RANBP2: variants seen among roughly 807,000 people sequenced by gnomAD.
RANBP2 encodes the protein E3 SUMO-protein ligase RanBP2.
Under a neutral mutation model 303.6 loss-of-function variants are expected in RANBP2, and 57 were observed. The observed-to-expected ratio is 0.19, with a 90% CI of 0.15 to 0.23. The LOEUF (loss-of-function observed/expected upper bound fraction) is 0.23. Among genes scored for constraint, RANBP2 ranks in the 10% least tolerant of loss-of-function variants. RANBP2 has a pLI of 1.00. For missense variants in RANBP2, 3,138 were observed against 3,780.8 expected (o/e 0.83, Z 4.46); for synonymous variants, 1,167 against 1,301.5 (o/e 0.90, Z 2.23).
chr2:109,643,486 G>T, the RANBP2 span, among the ~76,000 whole-genome samples: 15 of 152,142 alleles, frequency 9.9e-5, no homozygotes, highest in African/African-American at 3.6e-4. Context: ...AAGGCTGGGC[G>T]CAGCGGCTCA....
At chr2:108,725,273 A>G (rs898580257) in intron 1 of RANBP2, among the ~76,000 whole-genome samples, 7 of 152,218 alleles carry the variant, frequency 4.6e-5, no homozygotes, top group South Asian at 2.1e-4. Flanking sequence ...CAAGGCATTT[A>G]CCTGCTTGAG....
downstream of RANBP2, among the ~76,000 whole-genome samples, chr2:108,785,975 A>G (rs1218303579): frequency 6.6e-6 from 1 of 152,194 alleles, no homozygotes; most frequent in Admixed American, 6.5e-5. Flanking sequence ...TTAGAAAGTA[A>G]AAGATTACAC....
At chr2:108,729,602 G>C (rs1880726) in intron 2 of RANBP2, among the ~76,000 whole-genome samples, 2 of 151,938 alleles carry the variant, frequency 1.3e-5, no homozygotes, top group East Asian at 1.9e-4. Context: ...TATAAAAGAT[G>C]TTTAATTGAC....
chr2:108,930,010 G>C, the RANBP2 span: 1 of 1,366,706 alleles, frequency 7.3e-7, no homozygotes, highest in Admixed American at 2.3e-5. Context: ...CGGCTGGTTT[G>C]ATATACCCTG....
chr2:108,728,275 T>C (rs2149093818), intron 1 of RANBP2, among the ~76,000 whole-genome samples: 1 of 152,262 alleles, frequency 6.6e-6, no homozygotes, highest in South Asian at 2.1e-4. Context: ...CTTACTTTCT[T>C]GAATTTATTT....
chr2:109,396,367 G>A, the RANBP2 span, among the ~76,000 whole-genome samples: 1 of 152,180 alleles, frequency 6.6e-6, no homozygotes, highest in Non-Finnish European at 1.5e-5. Flanking sequence ...CCGGAGTGAG[G>A]TTTTTCATAA....
chr2:108,913,696 GTTC>G, the RANBP2 span, among the ~76,000 whole-genome samples: 5 of 152,164 alleles, frequency 3.3e-5, no homozygotes, highest in African/African-American at 9.7e-5. Context: ...ATGGGTATGA[GTTC>G]TTCTTGTTAG....
the RANBP2 span, among the ~76,000 whole-genome samples, chr2:109,118,571 A>G: frequency 6.6e-6 from 1 of 151,352 alleles, no homozygotes; most frequent in Admixed American, 6.6e-5. Flanking sequence ...AAAACAGAAT[A>G]TCTGCGTGTC....
At chr2:109,411,630 G>T in the RANBP2 span, among the ~76,000 whole-genome samples, 1 of 152,158 alleles carries the variant, frequency 6.6e-6, no homozygotes, top group Non-Finnish European at 1.5e-5. Flanking sequence ...ATATCCCTGA[G>T]GGCAGAGCCC....
chr2:109,687,848 A>AT, the RANBP2 span, among the ~76,000 whole-genome samples: 2 of 150,938 alleles, frequency 1.3e-5, no homozygotes, highest in East Asian at 3.9e-4. Flanking sequence ...GACTCAGGTG[A>AT]TCCTTCCACC....
the RANBP2 span, among the ~76,000 whole-genome samples, chr2:109,650,100 T>C: frequency 6.6e-6 from 1 of 152,234 alleles, no homozygotes. Context: ...CACAGATATT[T>C]GTGTTCCTTT....
chr2:109,666,050 G>A, the RANBP2 span, among the ~76,000 whole-genome samples: 5 of 151,788 alleles, frequency 3.3e-5, 1 homozygote, highest in South Asian at 1.0e-3. Context: ...AGCGGAGGTT[G>A]CAGTGAGCCA....
the RANBP2 span, among the ~76,000 whole-genome samples, chr2:109,131,564 G>A: frequency 1.3e-5 from 2 of 152,194 alleles, no homozygotes; most frequent in African/African-American, 4.8e-5. Context: ...GTTTACAGAT[G>A]TCCTCTCAGT....
the RANBP2 span, among the ~76,000 whole-genome samples, chr2:109,382,847 G>A: frequency 6.6e-6 from 1 of 152,220 alleles, no homozygotes; most frequent in Non-Finnish European, 1.5e-5. Flanking sequence ...ACATTTGGCT[G>A]TTGGATTATG....
At chr2:109,208,112 T>G in the RANBP2 span, among the ~76,000 whole-genome samples, 8 of 152,238 alleles carry the variant, frequency 5.3e-5, no homozygotes, top group Non-Finnish European at 1.5e-5. Flanking sequence ...CAGACACACA[T>G]GCTGCTGCCC....
At chr2:108,954,694 G>C in the RANBP2 span, among the ~76,000 whole-genome samples, 1 of 140,148 alleles carries the variant, frequency 7.1e-6, no homozygotes, top group African/African-American at 2.8e-5. Context: ...TTTTTTTTCT[G>C]AGACAGAGTC....
chr2:109,179,632 G>C, the RANBP2 span, among the ~76,000 whole-genome samples: 4 of 152,156 alleles, frequency 2.6e-5, no homozygotes, highest in Non-Finnish European at 5.9e-5. Context: ...GTATCACATG[G>C]TGAGAGGGCA....
the RANBP2 span, among the ~76,000 whole-genome samples, chr2:108,889,613 C>T: frequency 1.3e-5 from 2 of 151,668 alleles, no homozygotes; most frequent in Admixed American, 6.6e-5. Context: ...AGTACAGCTA[C>T]ACCTGCTTAA....
At chr2:109,140,804 T>A in the RANBP2 span, among the ~76,000 whole-genome samples, 1 of 152,238 alleles carries the variant, frequency 6.6e-6, no homozygotes, top group Non-Finnish European at 1.5e-5. Context: ...TAACATCTCC[T>A]CTGTGTCCCC....
Sources: gnomAD v4.1 joint callset for allele counts (sites outside exome capture counted in the v4.1 genomes callset) on GRCh38, gnomAD v4.1.1 for gene constraint, MANE v1.5 for transcripts, NCBI Gene and HGNC (gene_info 2026-07-23, HGNC 2026-07-21) for gene names.